METTL16: variants seen among roughly 807,000 people sequenced by gnomAD.
The protein encoded by METTL16 is methyltransferase 16, RNA N6-adenosine.
METTL16 carries 19 observed loss-of-function variants against 57.9 expected under a neutral mutation model. That is an observed-to-expected ratio of 0.33 (90% CI 0.23 to 0.48). The LOEUF is 0.48. Ranked by LOEUF, METTL16 falls within the 20% of genes least tolerant of loss-of-function variation. The pLI is 0.99. For synonymous variants in METTL16, 246 were observed against 255.6 expected, an observed-to-expected ratio of 0.96 and a Z score of 0.36; for missense variants, 434 against 691.5, an observed-to-expected ratio of 0.63 and a Z score of 4.18.
chr17:2,421,336 C>T (rs911773075), intron 8 of METTL16, among the ~76,000 whole-genome samples: 3 of 151,868 alleles, frequency 2.0e-5, no homozygotes, highest in South Asian at 2.1e-4. Flanking sequence ...GCCCAGGAAA[C>T]GGGGTGAGAC....
At chr17:2,435,039 T>C (rs1567884412) in intron 8 of METTL16, among the ~76,000 whole-genome samples, 1 of 152,238 alleles carries the variant, frequency 6.6e-6, no homozygotes, top group Non-Finnish European at 1.5e-5. Flanking sequence ...CTTGTTAGAA[T>C]TCTGCAGAGA....
chr17:2,490,421 T>C (rs1285283286), intron 2 of METTL16, among the ~76,000 whole-genome samples: 1 of 152,166 alleles, frequency 6.6e-6, no homozygotes, highest in Non-Finnish European at 1.5e-5. Context: ...TGATTGTATG[T>C]AACTACAACT....
Position 2,464,369 on chromosome 17 carries a change from C to T in METTL16, c.586-19G>A. On this transcript the variant is annotated intron_variant, in intron 5 of 9. Transcript: ENST00000263092. ...TTACTCCCTGAAAAACAACAAAAAA[C>T]CCTGGTGAAAAATGTGTACACCCCA... 6.3e-7 allele frequency: 1 copy of T among 1,581,950 alleles called. No individual in the cohort carries two copies. The highest frequency in any genetic ancestry group is 8.6e-7 in the Non-Finnish European group (1 of 1,169,104).
At chr17:2,453,343 G>A (rs966670269) in intron 6 of METTL16, among the ~76,000 whole-genome samples, 5 of 152,056 alleles carry the variant, frequency 3.3e-5, no homozygotes, top group Middle Eastern at 3.2e-3. Flanking sequence ...TGTCTCTTTA[G>A]CCTCCTTCAA....
At chr17:2,491,784 A>G (rs560625636) in intron 2 of METTL16, among the ~76,000 whole-genome samples, 1 of 148,020 alleles carries the variant, frequency 6.8e-6, no homozygotes, top group Admixed American at 6.8e-5. Flanking sequence ...CTGAGGCAGG[A>G]GAATGGCATG....
chr17:2,448,304 C>T (rs2067031419), intron 6 of METTL16, among the ~76,000 whole-genome samples: 1 of 89,476 alleles, frequency 1.1e-5, no homozygotes, highest in Non-Finnish European at 2.2e-5. Context: ...AATAGAAAGG[C>T]GGGAAGGGTG....
At chr17:2,432,722 G>A (rs1288111930) in intron 8 of METTL16, among the ~76,000 whole-genome samples, 1 of 152,216 alleles carries the variant, frequency 6.6e-6, no homozygotes, top group Non-Finnish European at 1.5e-5. Context: ...GGATTAGAGA[G>A]CTGTAGCTCA....
intron 2 of METTL16, among the ~76,000 whole-genome samples, chr17:2,497,062 G>C (rs138798751): frequency 0.011 from 1,606 of 151,692 alleles, 92 homozygotes; most frequent in African/African-American, 0.038. Flanking sequence ...TTGCACTGCA[G>C]TGGCACAATC....
At chr17:2,454,563 ATTT>A (rs5818860) in intron 6 of METTL16, among the ~76,000 whole-genome samples, 9 of 126,240 alleles carry the variant, frequency 7.1e-5, no homozygotes, top group African/African-American at 1.6e-4. Flanking sequence ...TATTATTATT[ATTT>A]TTTTTTTTTT....
chr17:2,448,805 A>AAAAAAAT (rs2067044541), intron 6 of METTL16, among the ~76,000 whole-genome samples: 1 of 104,564 alleles, frequency 9.6e-6, no homozygotes. Flanking sequence ...TAAAATTTAA[A>AAAAAAAT]AAAAAAAAAA....
rs898559925 is a variant in METTL16, at chr17:2,418,138, T to C, written c.*1832A>G. On this transcript the variant is annotated 3_prime_UTR_variant, in exon 10 of 10. Coordinates refer to ENST00000263092, the MANE Select transcript of METTL16 (RefSeq NM_024086.4). ...ATAATGATTCTTAATCCTTAGTGGG[T>C]TATTGACCCCTTTGTCTGTGTCTGA... is the stretch of plus-strand genomic sequence containing the variant. The C allele has an allele frequency of 7.2e-6, 1 of 138,774 alleles. No individual in the cohort carries two copies. Among genetic ancestry groups the C allele is most frequent in the Non-Finnish European group, 1.6e-5 (1 of 62,182 alleles). The allele number at this position is 138,774 out of a possible 1,614,324, so 8.6% of individuals were successfully genotyped here.
At chr17:2,435,759 T>C (rs1270899808) in intron 8 of METTL16, among the ~76,000 whole-genome samples, 1 of 147,678 alleles carries the variant, frequency 6.8e-6, no homozygotes, top group Non-Finnish European at 1.5e-5. Context: ...TATTAGCGGC[T>C]TGGGGCTGGG....
intron 8 of METTL16, among the ~76,000 whole-genome samples, chr17:2,422,173 A>T (rs1187070176): frequency 6.6e-6 from 1 of 151,794 alleles, no homozygotes; most frequent in Non-Finnish European, 1.5e-5. Flanking sequence ...TTAGCTGGGC[A>T]TGGGGGCACG....
At chr17:2,467,362 A>T (rs1276972255) in intron 5 of METTL16, among the ~76,000 whole-genome samples, 2 of 152,190 alleles carry the variant, frequency 1.3e-5, no homozygotes, top group African/African-American at 4.8e-5. Context: ...ATATTAATTT[A>T]AAAAATAGTA....
At chr17:2,438,887 G>C (rs2066927412) in intron 7 of METTL16, among the ~76,000 whole-genome samples, 1 of 152,114 alleles carries the variant, frequency 6.6e-6, no homozygotes, top group Admixed American at 6.6e-5. Context: ...TCAGATTTTA[G>C]GAAAGGTAAA....
At chr17:2,445,905 AT>A (rs1391605751) in intron 6 of METTL16, among the ~76,000 whole-genome samples, 37 of 152,248 alleles carry the variant, frequency 2.4e-4, no homozygotes, top group African/African-American at 8.7e-4. Flanking sequence ...AGAATAATAC[AT>A]TATAACCAAG....
intron 2 of METTL16, among the ~76,000 whole-genome samples, chr17:2,498,381 C>T (rs2067462252): frequency 6.6e-6 from 1 of 151,402 alleles, no homozygotes; most frequent in Non-Finnish European, 1.5e-5. Flanking sequence ...CACTGCACTC[C>T]AGCCTGGTGA....
chr17:2,492,897 C>CAAAAAAAAAAAAAAAAA (rs56853674), intron 2 of METTL16, among the ~76,000 whole-genome samples: 4 of 75,890 alleles, frequency 5.3e-5, no homozygotes, highest in Non-Finnish European at 7.3e-5. Flanking sequence ...GACTCCGTCT[C>CAAAAAAAAAAAAAAAAA]AAAAAAAAAA....
At chr17:2,498,512 C>T (rs2067463092) in intron 2 of METTL16, among the ~76,000 whole-genome samples, 1 of 151,506 alleles carries the variant, frequency 6.6e-6, no homozygotes, top group Non-Finnish European at 1.5e-5. Context: ...TTGAGGTGGG[C>T]AGATCACTTG....
Sources: allele counts gnomAD v4.1 joint callset (sites outside exome capture counted in the v4.1 genomes callset), GRCh38; gene constraint gnomAD v4.1.1; transcripts MANE v1.5; gene names NCBI Gene and HGNC (gene_info 2026-07-23, HGNC 2026-07-21).